Variants in GRIK4 observed in about 807,000 individuals in gnomAD.
The protein encoded by GRIK4 is glutamate receptor ionotropic, kainate 4.
Under a neutral mutation model 104.9 loss-of-function variants are expected in GRIK4, and 40 were observed. That is an observed-to-expected ratio of 0.38 (90% CI 0.30 to 0.50). GRIK4 has a LOEUF of 0.50. Ranked by LOEUF, GRIK4 falls within the 20% of genes least tolerant of loss-of-function variation. The pLI, the probability that GRIK4 is intolerant of heterozygous loss-of-function variation, is 0.93. For synonymous variants in GRIK4, 485 were observed against 524.9 expected (o/e 0.92, Z 1.04); for missense variants, 1,047 against 1,308.1 (o/e 0.80, Z 3.08).
At chr11:120,692,474 C>G (rs1317873676) in intron 3 of GRIK4, among the ~76,000 whole-genome samples, 1 of 152,076 alleles carries the variant, frequency 6.6e-6, no homozygotes, top group Admixed American at 6.6e-5. Context: ...GTGACCATGG[C>G]GGGGATAGAG....
chr11:120,986,205 G>T lies in GRIK4; in HGVS notation c.2816G>T (p.Arg939Leu), dbSNP rs1242268054. 2 of 1,570,232 alleles carry T rather than the reference G, an allele frequency of 1.3e-6. No individual in the cohort carries two copies. Among genetic ancestry groups the T allele is most frequent in the Non-Finnish European group, 1.7e-6 (2 of 1,167,976 alleles). The change falls in exon 21 of 21, where the codon CGC (arginine) becomes CTC (leucine). Residue 939 changes from arginine to leucine, a missense_variant. Arg to Leu is a moderately radical substitution (Grantham distance 102, BLOSUM62 -2). Coordinates refer to ENST00000527524, the MANE Select transcript of GRIK4 (RefSeq NM_014619.5). ...CTGCGGGCACGGCCGTCGCCCGCCC[G>T]CAGCGAGGAGAGCCTGGAGTGGGAG... is the stretch of plus-strand genomic sequence containing the variant. Reference protein sequence around the residue: ...QGLRARPSPARSEESLEWEKT... With the variant: ...QGLRARPSPALSEESLEWEKT...
chr11:120,986,656 G>T lies in GRIK4; in HGVS notation c.*396G>T. The T allele has an allele frequency of 6.0e-6, 1 of 167,048 alleles. No homozygotes were observed. The allele number at this position is 167,048 out of a possible 1,614,324, so 10.3% of individuals were successfully genotyped here. A position where few individuals can be genotyped will look rare whatever the true frequency, so the allele number is the denominator to read the frequency against. On this transcript the variant is annotated 3_prime_UTR_variant, in exon 21 of 21. Transcript: ENST00000527524. Reference sequence around the variant, plus strand: ...CAGGGGCCAATGTACCCTCCGTCTAGTTCTTACAGAAAAAAAAAAAATTAA... The same window carrying T: ...CAGGGGCCAATGTACCCTCCGTCTATTTCTTACAGAAAAAAAAAAAATTAA...
intron 4 of GRIK4, among the ~76,000 whole-genome samples, chr11:120,810,857 A>G (rs1775510381): frequency 6.6e-6 from 1 of 152,166 alleles, no homozygotes; most frequent in South Asian, 2.1e-4. Flanking sequence ...TCATATGAAA[A>G]CTGCGGTGAT....
chr11:120,832,076 C>T lies in GRIK4; in HGVS notation c.690+46C>T, dbSNP rs751090122. 4 of 1,377,068 alleles carry T rather than the reference C, an allele frequency of 2.9e-6. No homozygotes were observed. The South Asian group carries it at 5.3e-5, about 18-fold the overall frequency. The allele number at this position is 1,377,068 out of a possible 1,614,324, so 85.3% of individuals were successfully genotyped here. A position where few individuals can be genotyped will look rare whatever the true frequency, so the allele number is the denominator to read the frequency against. On this transcript the variant is annotated intron_variant, in intron 7 of 20. Coordinates refer to ENST00000527524, the MANE Select transcript of GRIK4 (RefSeq NM_014619.5). Reference sequence around the variant, plus strand: ...CCCACCCCCTGCTGAGCTCCACCCTCCCCCCTCCTTGCCTTGAGGGTCCTC... The same window carrying T: ...CCCACCCCCTGCTGAGCTCCACCCTTCCCCCTCCTTGCCTTGAGGGTCCTC...
chr11:120,712,753 C>G (rs1950760655), intron 3 of GRIK4, among the ~76,000 whole-genome samples: 1 of 152,178 alleles, frequency 6.6e-6, no homozygotes, highest in Non-Finnish European at 1.5e-5. Context: ...CCCGGTTGGC[C>G]CTCCTGGGCC....
chr11:120,631,202 T>C (rs1277297548), intron 1 of GRIK4, among the ~76,000 whole-genome samples: 2 of 152,274 alleles, frequency 1.3e-5, no homozygotes, highest in African/African-American at 2.4e-5. Flanking sequence ...ATGATCATTG[T>C]CGTCATTTCA....
intron 1 of GRIK4, among the ~76,000 whole-genome samples, chr11:120,536,471 C>G (rs1418591185): frequency 6.6e-6 from 1 of 152,204 alleles, no homozygotes; most frequent in Admixed American, 6.5e-5. Context: ...GGATGCGGAG[C>G]TGGTTGAACA....
At chr11:120,802,338 G>A (rs376586094) in intron 3 of GRIK4, among the ~76,000 whole-genome samples, 2 of 152,136 alleles carry the variant, frequency 1.3e-5, no homozygotes, top group Non-Finnish European at 2.9e-5. Flanking sequence ...GCCACTACCC[G>A]CCTCACTTTG....
intron 13 of GRIK4, among the ~76,000 whole-genome samples, chr11:120,927,920 T>C (rs1893816): frequency 0.76 from 115,179 of 151,966 alleles, 44,923 homozygotes; most frequent in East Asian, 0.99. Flanking sequence ...TAAAAAAATA[T>C]TAAGAAGGCA....
chr11:120,892,057 C>T (rs1955316771), intron 11 of GRIK4, among the ~76,000 whole-genome samples: 1 of 152,168 alleles, frequency 6.6e-6, no homozygotes, highest in Non-Finnish European at 1.5e-5. Context: ...CACCTGCAGT[C>T]CCGGGCTTGC....
At chr11:120,648,202 G>A (rs1565271689) in intron 1 of GRIK4, among the ~76,000 whole-genome samples, 1 of 152,178 alleles carries the variant, frequency 6.6e-6, no homozygotes, top group Non-Finnish European at 1.5e-5. Context: ...TCTAAACCAG[G>A]GGCCGGAGAC....
intron 9 of GRIK4, chr11:120,871,232 A>C (rs988974735): frequency 3.5e-5 from 6 of 173,574 alleles, no homozygotes; most frequent in Non-Finnish European, 7.4e-5. Context: ...ACTTGCTGTC[A>C]ATTTGTCTAA....
rs1943673065 is a variant in GRIK4, at chr11:120,939,634, A to C, written c.1477-713A>C. On this transcript the variant is annotated intron_variant, in intron 13 of 20. Coordinates refer to ENST00000527524, the MANE Select transcript of GRIK4 (RefSeq NM_014619.5). This position sits in a 1 kb window ranked among gnomAD's most constrained non-coding sequence, Gnocchi z 5.6. ...TAGCCCCTTCAGCAAAGTTTCTTAC[A>C]CACCATAAGCAGTCAGTGGAGTTTT... is the stretch of plus-strand genomic sequence containing the variant. 6.6e-6 allele frequency among the ~76,000 whole-genome samples: 1 copy of C among 152,210 alleles called. No homozygotes were observed. Among genetic ancestry groups the C allele is most frequent in the Non-Finnish European group, 1.5e-5 (1 of 68,038 alleles).
intron 6 of GRIK4, among the ~76,000 whole-genome samples, chr11:120,822,528 C>T (rs1016174930): frequency 3.3e-5 from 5 of 152,170 alleles, no homozygotes; most frequent in Admixed American, 6.5e-5. Context: ...CCACAAGCCA[C>T]GTATGGCTAT....
At chr11:120,637,726 C>T (rs930545432) in intron 1 of GRIK4, among the ~76,000 whole-genome samples, 8 of 152,182 alleles carry the variant, frequency 5.3e-5, no homozygotes, top group African/African-American at 9.6e-5. Context: ...AGGTTTTTTC[C>T]GTAGTGGGGT....
chr11:120,645,438 A>G (rs1949530510), intron 1 of GRIK4, among the ~76,000 whole-genome samples: 1 of 152,238 alleles, frequency 6.6e-6, no homozygotes, highest in Non-Finnish European at 1.5e-5. Flanking sequence ...GAACAAATGA[A>G]TGAACAAATG....
intron 1 of GRIK4, among the ~76,000 whole-genome samples, chr11:120,591,042 C>T (rs1948726688): frequency 6.6e-6 from 1 of 152,114 alleles, no homozygotes; most frequent in Non-Finnish European, 1.5e-5. Flanking sequence ...GATCTGGCTG[C>T]TTCACCTGCT....
rs538648315 is a variant in GRIK4, at chr11:120,830,310, C to T, written c.512-1542C>T. Among the ~76,000 whole-genome samples, 47 of 152,240 alleles carry T rather than the reference C, an allele frequency of 3.1e-4. No individual in the cohort carries two copies. The South Asian group carries it at 7.7e-3, about 25-fold the overall frequency. ...ACTGCCTCCAGCTGAGTTTGTCCTC[C>T]GAGGCAGCCTGGTCTCATGGTAAGA... is the stretch of plus-strand genomic sequence containing the variant. On this transcript the variant is annotated intron_variant, in intron 6 of 20. Coordinates refer to ENST00000527524, the MANE Select transcript of GRIK4 (RefSeq NM_014619.5).
Position 120,799,615 on chromosome 11 carries a change from C to T in GRIK4, c.83-3078C>T, listed in dbSNP as rs1185535865. On this transcript the variant is annotated intron_variant, in intron 3 of 20. Coordinates refer to ENST00000527524, the MANE Select transcript of GRIK4 (RefSeq NM_014619.5). ...TGAGAACGGGCAGATCATGACCTCTCTGACCTCCAATTCCTCGTGTCCAAG... is the reference window on the plus strand; with the variant it reads ...TGAGAACGGGCAGATCATGACCTCTTTGACCTCCAATTCCTCGTGTCCAAG... Among the ~76,000 whole-genome samples the T allele has an allele frequency of 2.6e-5, 4 of 152,240 alleles. No homozygotes were observed. In the East Asian group the frequency reaches 7.7e-4, roughly 29 times the overall value.
Sources: gnomAD v4.1 joint callset for allele counts (sites outside exome capture counted in the v4.1 genomes callset) on GRCh38, gnomAD v4.1.1 for gene constraint, Gnocchi (gnomAD v3.1) non-coding constraint, MANE v1.5 for transcripts, NCBI Gene and HGNC (gene_info 2026-07-23, HGNC 2026-07-21) for gene names.